The following PYCR3 variants were observed in gnomAD, a reference collection of about 807,000 sequenced individuals.
PYCR3 encodes the protein P5C reductase 3.
Under a neutral mutation model 23.4 loss-of-function variants are expected in PYCR3, and 26 were observed. That is an observed-to-expected ratio of 1.11 (90% CI 0.81 to 1.54). PYCR3 has a LOEUF of 1.54. Ranked by LOEUF, PYCR3 falls within the 40% of genes most tolerant of loss-of-function variation. The probability of loss-of-function intolerance (pLI) is 0.00; values close to 1 mark genes in which losing one functional copy is unlikely to be tolerated. For synonymous variants in PYCR3, 194 were observed against 162.6 expected (o/e 1.19, Z -1.47); for missense variants, 360 against 376.3 (o/e 0.96, Z 0.36).
rs966718084 is a variant in PYCR3, at chr8:143,603,893, G to C, written c.*1807C>G. The C allele has an allele frequency of 1.4e-4, 9 of 62,408 alleles. No individual in the cohort carries two copies. The highest frequency in any genetic ancestry group is 4.6e-4 in the Admixed American group (2 of 4,390). 3.9% of individuals were successfully genotyped at this position (62,408 alleles called of 1,614,324 possible). A position where few individuals can be genotyped will look rare whatever the true frequency, so the allele number is the denominator to read the frequency against. Reference sequence around the variant, plus strand: ...GCCTCAACTTATGGGGCAGGCATTGGACCTTCTTTTTTTTTTTTTCCAAGA... The same window carrying C: ...GCCTCAACTTATGGGGCAGGCATTGCACCTTCTTTTTTTTTTTTTCCAAGA... On this transcript the variant is annotated 3_prime_UTR_variant, in exon 6 of 6. Coordinates refer to ENST00000495276, the MANE Select transcript of PYCR3 (RefSeq NM_023078.6).
rs1829327411 is a variant in PYCR3, at chr8:143,604,220, A to G, written c.*1480T>C. ...AACTTGGTTTTATCCACCTCTGGTG[A>G]AACATGAGCTCACTTGGTGCTCTCT... On this transcript the variant is annotated 3_prime_UTR_variant, in exon 6 of 6. Coordinates refer to ENST00000495276, the MANE Select transcript of PYCR3 (RefSeq NM_023078.6). 6.6e-6 allele frequency: 1 copy of G among 152,186 alleles called. No homozygotes were observed. The highest frequency in any genetic ancestry group is 2.1e-4 in the South Asian group (1 of 4,830). The allele number at this position is 152,186 out of a possible 1,614,324, so 9.4% of individuals were successfully genotyped here.
At chr8:143,605,912 G>A (rs778695553) in intron 5 of PYCR3, 30 bp from the exon 6 acceptor site, 1 of 1,589,242 alleles carries the variant, frequency 6.3e-7, no homozygotes, top group East Asian at 2.3e-5. Flanking sequence ...CTGGTGACGG[G>A]GGGAGGTGGT....
At chr8:143,609,416 G>T in intron 1 of PYCR3, 42 bp downstream of exon 1, 1 of 1,459,098 alleles carries the variant, frequency 6.9e-7, no homozygotes, top group African/African-American at 1.5e-5. Flanking sequence ...CCACGGGGCT[G>T]CTCCCACTCC....
chr8:143,606,611 G>A lies in PYCR3; in HGVS notation c.405C>T (p.Ala135=), dbSNP rs1276181644. 5 of 1,611,248 alleles carry A rather than the reference G, an allele frequency of 3.1e-6. No homozygotes were observed. The East Asian group carries it at 8.9e-5, about 29-fold the overall frequency. The part of the protein sequence containing the change: ...PNLPCVVQEG[A]IVMARGRHVG... Reference sequence around the variant, plus strand: ...CGTGGCGGCCCCGCGCCATCACTATGGCCCCTTCCTGGACCACACAGGGCA... The same window carrying A: ...CGTGGCGGCCCCGCGCCATCACTATAGCCCCTTCCTGGACCACACAGGGCA... Residue 135 remains alanine, a synonymous_variant, in exon 4 of 6, where the codon GCC becomes GCT. Coordinates refer to ENST00000495276, the MANE Select transcript of PYCR3 (RefSeq NM_023078.6).
chr8:143,606,817 G>A (rs1318397872), intron 3 of PYCR3, 136 bp downstream of exon 3: 5 of 1,340,620 alleles, frequency 3.7e-6, no homozygotes, highest in Admixed American at 2.3e-5. Flanking sequence ...GCACCAGGAG[G>A]GAACCCTAAA....
intron 4 of PYCR3, 113 bp from the exon 5 acceptor site, chr8:143,606,267 G>T: frequency 8.4e-7 from 1 of 1,186,080 alleles, no homozygotes. Flanking sequence ...CAAGGCCTGA[G>T]CCCAACGGTC....
intron 2 of PYCR3, among the ~76,000 whole-genome samples, chr8:143,607,430 A>G (rs1468236755): frequency 6.6e-6 from 1 of 152,190 alleles, no homozygotes; most frequent in East Asian, 1.9e-4. Flanking sequence ...ACTCACGAGC[A>G]TGCATTCATA....
Position 143,608,127 on chromosome 8 carries a change from C to G in PYCR3, c.92-1G>C. Reference sequence around the variant, plus strand: ...AGTATGTGCTGAGCTTCCACTTTTCCTGGAAAGAAAGGAAAAGGAAGAGGG... The same window carrying G: ...AGTATGTGCTGAGCTTCCACTTTTCGTGGAAAGAAAGGAAAAGGAAGAGGG... On this transcript the variant is annotated splice_acceptor_variant, in intron 1 of 5. Coordinates refer to ENST00000495276, the MANE Select transcript of PYCR3 (RefSeq NM_023078.6). LOFTEE classifies it high-confidence loss of function. 6.2e-7 allele frequency: 1 copy of G among 1,613,146 alleles called. No homozygotes were observed. Among genetic ancestry groups the G allele is most frequent in the South Asian group, 1.1e-5 (1 of 91,072 alleles).
rs1470480940 is a variant in PYCR3 at position 143,606,558 on chromosome 8, T to G, written c.458A>C (p.Gln153Pro). 1 of 1,612,818 alleles carries G rather than the reference T, an allele frequency of 6.2e-7. No homozygotes were observed. Among genetic ancestry groups the G allele is most frequent in the Non-Finnish European group, 8.5e-7 (1 of 1,179,986 alleles). ...HVGSSETKLL[Q>P]HLLEACGRCE... ...CCGCCCACAGGCCTCCAGCAGATGCTGCAGGAGCTTGGTCTCGCTGCTCCC... is the reference window on the plus strand; with the variant it reads ...CCGCCCACAGGCCTCCAGCAGATGCGGCAGGAGCTTGGTCTCGCTGCTCCC... The change falls in exon 4 of 6, where the codon CAG becomes CCG. Residue 153 changes from glutamine to proline, a missense_variant. Transcript: ENST00000495276.
intron 1 of PYCR3, chr8:143,608,433 G>A (rs895498426): frequency 3.4e-5 from 15 of 446,798 alleles, no homozygotes; most frequent in Admixed American, 1.2e-4. Context: ...GCCTGGAGCA[G>A]AAGAGGCAGT....
At position 143,603,485 on chromosome 8, in the gene PYCR3, A is replaced by G. The variant is rs1180888837; in HGVS notation, c.*2215T>C. Among the ~76,000 whole-genome samples, 3 of 152,164 alleles carry G rather than the reference A, an allele frequency of 2.0e-5. No homozygotes were observed. The South Asian group carries it at 6.2e-4, about 32-fold the overall frequency. On this transcript the variant is annotated 3_prime_UTR_variant, in exon 6 of 6. Transcript: ENST00000495276. ...GTCACAGGCCCTCACCAGCTGGGCC[A>G]GGAGTGGCTGGCTTGGGATCTCCAC...
chr8:143,607,657 CTCA>C (rs1360940702), intron 2 of PYCR3, among the ~76,000 whole-genome samples: 1 of 152,218 alleles, frequency 6.6e-6, no homozygotes, highest in Non-Finnish European at 1.5e-5. Context: ...TGCACATGCA[CTCA>C]TGAGCATGCA....
At position 143,609,514 on chromosome 8, in the gene PYCR3, C is replaced by A. The variant is rs1378790573; in HGVS notation, c.35G>T (p.Gly12Val). 4.0e-6 allele frequency: 6 copies of A among 1,517,170 alleles called. No homozygotes were observed. The highest frequency in any genetic ancestry group is 5.3e-6 in the Non-Finnish European group (6 of 1,140,312). The allele number at this position is 1,517,170 out of a possible 1,614,324, so 94.0% of individuals were successfully genotyped here. ...CGCCATGCGGCCCGCGCCCACGAAG[C>A]CCACGCGCCGCGGAGACGGCTCCGC... is the stretch of plus-strand genomic sequence containing the variant. Reference protein sequence around the residue: ...AAAEPSPRRVGFVGAGRMAGA... With the variant: ...AAAEPSPRRVVFVGAGRMAGA... The change falls in exon 1 of 6, where the codon GGC becomes GTC. Residue 12 changes from glycine (G) to valine (V), a missense_variant. Physicochemically the swap from Gly to Val is moderately radical, Grantham distance 109 (BLOSUM62 -3). Transcript: ENST00000495276.
At position 143,609,536 on chromosome 8, in the gene PYCR3, C is replaced by A; in HGVS notation, c.13G>T (p.Glu5Ter). The change falls in exon 1 of 6, where the codon GAG becomes TAG. Residue 5 changes from glutamate to a stop codon, truncating the protein, a stop_gained. Coordinates refer to ENST00000495276, the MANE Select transcript of PYCR3 (RefSeq NM_023078.6). LOFTEE classifies it high-confidence loss of function. ...AAGCCCACGCGCCGCGGAGACGGCT[C>A]CGCAGCTGCCATCTTGTTGCCTCGG... MAAA[E>*]PSPRRVGFVG... is the part of the protein sequence containing the mutation. The A allele has an allele frequency of 6.6e-7, 1 of 1,511,072 alleles. No homozygotes were observed. Among genetic ancestry groups the A allele is most frequent in the East Asian group, 2.7e-5 (1 of 37,290 alleles). 93.6% of individuals were successfully genotyped at this position (1,511,072 alleles called of 1,614,324 possible). A position where few individuals can be genotyped will look rare whatever the true frequency, so the allele number is the denominator to read the frequency against.
chr8:143,604,705 G>C lies in PYCR3; in HGVS notation c.*995C>G. On this transcript the variant is annotated 3_prime_UTR_variant, in exon 6 of 6. Transcript: ENST00000495276. The stretch of plus-strand genomic sequence containing the variant: ...CCGGCCCGGGCCCTCCCCACCCAAA[G>C]GCCCTAGAACCCTAGCCTTCAATCC... 1 of 334,698 alleles carries C rather than the reference G, an allele frequency of 3.0e-6. No homozygotes were observed. Among genetic ancestry groups the C allele is most frequent in the South Asian group, 2.3e-5 (1 of 44,374 alleles). The allele number at this position is 334,698 out of a possible 1,614,324, so 20.7% of individuals were successfully genotyped here. A position where few individuals can be genotyped will look rare whatever the true frequency, so the allele number is the denominator to read the frequency against.
At chr8:143,608,390 C>T in intron 1 of PYCR3, 1 of 503,556 alleles carries the variant, frequency 2.0e-6, no homozygotes, top group Non-Finnish European at 3.6e-6. Flanking sequence ...GACACAGATC[C>T]CTGGGGCCTC....
rs1322845623 is a variant in PYCR3 at position 143,605,448 on chromosome 8, G to A, written c.*252C>T. The A allele has an allele frequency of 1.3e-5, 7 of 523,410 alleles. No homozygotes were observed. The highest frequency in any genetic ancestry group is 2.4e-5 in the Non-Finnish European group (7 of 293,026). 32.4% of individuals were successfully genotyped at this position (523,410 alleles called of 1,614,324 possible). On this transcript the variant is annotated 3_prime_UTR_variant, in exon 6 of 6. Transcript: ENST00000495276. The stretch of plus-strand genomic sequence containing the variant: ...CAGAACCAATGTTGCAGCAAGGTGG[G>A]CTCACTGCAGCAAGGGGCAGAGCCA...
chr8:143,603,508 C>T lies in PYCR3; in HGVS notation c.*2192G>A, dbSNP rs1172806240. On this transcript the variant is annotated 3_prime_UTR_variant, in exon 6 of 6. Coordinates refer to ENST00000495276, the MANE Select transcript of PYCR3 (RefSeq NM_023078.6). ...CCAGGAGTGGCTGGCTTGGGATCTCCACCTCCCGAGCTGAGCTCACCTAGT... is the reference window on the plus strand; with the variant it reads ...CCAGGAGTGGCTGGCTTGGGATCTCTACCTCCCGAGCTGAGCTCACCTAGT... 6.6e-6 allele frequency among the ~76,000 whole-genome samples: 1 copy of T among 152,188 alleles called. No homozygotes were observed. Among genetic ancestry groups the T allele is most frequent in the East Asian group, 1.9e-4 (1 of 5,190 alleles).
At chr8:143,608,468 G>A (rs1246374073) in intron 1 of PYCR3, 2 of 385,478 alleles carry the variant, frequency 5.2e-6, no homozygotes, top group African/African-American at 4.1e-5. Context: ...ACCAGGCCTT[G>A]GGGGAATGTG....
Sources: allele counts gnomAD v4.1 joint callset (sites outside exome capture counted in the v4.1 genomes callset), GRCh38; gene constraint gnomAD v4.1.1; transcripts MANE v1.5; gene names NCBI Gene and HGNC (gene_info 2026-07-23, HGNC 2026-07-21).